Variants in SLC24A2 observed in about 807,000 individuals in gnomAD.
SLC24A2 encodes sodium/potassium/calcium exchanger 2.
In SLC24A2, 36 loss-of-function variants were observed where a neutral mutation model predicts 62.0. The ratio of observed to expected loss-of-function variants is 0.58; its 90% CI spans 0.44 to 0.77. The LOEUF (loss-of-function observed/expected upper bound fraction) is 0.77, where lower values mean the gene tolerates loss of function less well. Ranked by LOEUF, SLC24A2 falls within the 30% of genes least tolerant of loss-of-function variation. SLC24A2 has a pLI of 0.00. For synonymous variants in SLC24A2, 358 were observed against 294.0 expected, an observed-to-expected ratio of 1.22 and a Z score of -2.23; for missense variants, 846 against 817.9, an observed-to-expected ratio of 1.03 and a Z score of -0.42.
chr9:19,688,045 T>G (rs1365381499), intron 2 of SLC24A2, among the ~76,000 whole-genome samples: 2 of 152,122 alleles, frequency 1.3e-5, no homozygotes, highest in Non-Finnish European at 2.9e-5. Context: ...TTCGAAAAGC[T>G]CTGTGAAGGC....
the SLC24A2 span, among the ~76,000 whole-genome samples, chr9:19,853,669 T>C: frequency 6.6e-6 from 1 of 152,236 alleles, no homozygotes; most frequent in South Asian, 2.1e-4. Flanking sequence ...AACTTGATCA[T>C]GGTGGATAAG....
the SLC24A2 span, among the ~76,000 whole-genome samples, chr9:20,210,173 T>C: frequency 6.6e-6 from 1 of 152,124 alleles, no homozygotes; most frequent in African/African-American, 2.4e-5. Flanking sequence ...AAAGACCTGC[T>C]GTGGTTTTCT....
Position 19,786,174 on chromosome 9 carries a change from T to C in SLC24A2, c.693A>G (p.Leu231=). The change falls in exon 2 of 11, where the codon TTA becomes TTG. Residue 231 remains leucine (L), a synonymous_variant. Coordinates refer to ENST00000341998, the MANE Select transcript of SLC24A2 (RefSeq NM_020344.4). This position sits in a 1 kb window ranked among gnomAD's most constrained non-coding sequence, Gnocchi z 5.0. ...GMCALFSREI[L]NLTWWPLFRD... ...GAAAGAGCGGCCACCATGTCAGGTTTAAGATTTCTCTAGAAAACAGAGCAC... is the reference window on the plus strand; with the variant it reads ...GAAAGAGCGGCCACCATGTCAGGTTCAAGATTTCTCTAGAAAACAGAGCAC... 1 of 1,614,166 alleles carries C rather than the reference T, an allele frequency of 6.2e-7. No homozygotes were observed. Among genetic ancestry groups the C allele is most frequent in the Non-Finnish European group, 8.5e-7 (1 of 1,180,042 alleles).
chr9:20,015,347 C>T, the SLC24A2 span, among the ~76,000 whole-genome samples: 1 of 152,172 alleles, frequency 6.6e-6, no homozygotes, highest in Non-Finnish European at 1.5e-5. Context: ...TGCAGGTGCA[C>T]TGTGTCAAGA....
At chr9:19,608,697 A>T (rs1303012019) in intron 4 of SLC24A2, among the ~76,000 whole-genome samples, 2 of 151,942 alleles carry the variant, frequency 1.3e-5, no homozygotes, top group Non-Finnish European at 2.9e-5. Flanking sequence ...GGTACTACAA[A>T]AGTTCCACTT....
At chr9:20,085,525 T>C in the SLC24A2 span, among the ~76,000 whole-genome samples, 1 of 152,346 alleles carries the variant, frequency 6.6e-6, no homozygotes, top group East Asian at 1.9e-4. Flanking sequence ...ATAGCGTTGT[T>C]TGACTAACAT....
the SLC24A2 span, among the ~76,000 whole-genome samples, chr9:20,117,574 G>T: frequency 6.6e-6 from 1 of 152,044 alleles, no homozygotes; most frequent in East Asian, 1.9e-4. Flanking sequence ...GTAGACAATA[G>T]GCAGTATGCT....
chr9:19,788,799 C>A (rs1823256512), intron 1 of SLC24A2, 86 bp downstream of exon 1: 7 of 985,340 alleles, frequency 7.1e-6, no homozygotes, highest in Admixed American at 6.1e-5. Flanking sequence ...GCCTGCAGAG[C>A]AGCAACGGGA....
chr9:19,660,581 T>G (rs1819067152), intron 2 of SLC24A2, among the ~76,000 whole-genome samples: 2 of 152,094 alleles, frequency 1.3e-5, no homozygotes, highest in Non-Finnish European at 2.9e-5. Flanking sequence ...AGAGAAAGAT[T>G]GAGGGAATTC....
chr9:20,255,093 C>T, the SLC24A2 span, among the ~76,000 whole-genome samples: 6,095 of 152,176 alleles, frequency 0.04, 186 homozygotes, highest in South Asian at 0.061. Flanking sequence ...AGAGCCAAAC[C>T]ATATCATGAG....
chr9:19,705,887 T>C (rs915894929), intron 2 of SLC24A2, among the ~76,000 whole-genome samples: 5 of 152,146 alleles, frequency 3.3e-5, no homozygotes, highest in Admixed American at 6.5e-5. Context: ...TGTGGTGTGG[T>C]GCTGAAAAGA....
At chr9:20,182,448 T>C in the SLC24A2 span, among the ~76,000 whole-genome samples, 2 of 152,186 alleles carry the variant, frequency 1.3e-5, no homozygotes, top group African/African-American at 4.8e-5. Flanking sequence ...TGGAATACTA[T>C]GCAGCCATAA....
the SLC24A2 span, among the ~76,000 whole-genome samples, chr9:19,951,879 AG>A: frequency 6.6e-6 from 1 of 152,112 alleles, no homozygotes; most frequent in African/African-American, 2.4e-5. Context: ...CAACCTCACA[AG>A]GATTTTAATT....
the SLC24A2 span, among the ~76,000 whole-genome samples, chr9:19,973,812 A>G: frequency 6.6e-6 from 1 of 152,208 alleles, no homozygotes; most frequent in South Asian, 2.1e-4. Context: ...GGTTGTTTAA[A>G]ATTGTTTAGT....
At chr9:19,910,526 G>T in the SLC24A2 span, among the ~76,000 whole-genome samples, 1 of 151,986 alleles carries the variant, frequency 6.6e-6, no homozygotes, top group African/African-American at 2.4e-5. Context: ...AAGTTCCTCA[G>T]TGGGGCCTCA....
chr9:19,532,907 T>C (rs1833775787), intron 8 of SLC24A2, among the ~76,000 whole-genome samples: 1 of 152,226 alleles, frequency 6.6e-6, no homozygotes, highest in Non-Finnish European at 1.5e-5. Context: ...TCTATCTTAG[T>C]CATGAGAGAA....
the SLC24A2 span, among the ~76,000 whole-genome samples, chr9:20,285,540 C>A: frequency 1.3e-5 from 2 of 152,128 alleles, no homozygotes; most frequent in African/African-American, 2.4e-5. Flanking sequence ...GAGGGACAGG[C>A]TTTTTGTTCT....
chr9:19,533,619 G>C (rs1586906091), intron 8 of SLC24A2, among the ~76,000 whole-genome samples: 1 of 152,326 alleles, frequency 6.6e-6, no homozygotes, highest in East Asian at 1.9e-4. Flanking sequence ...GTGGAGCAGA[G>C]ACAAGCTGTT....
intron 2 of SLC24A2, among the ~76,000 whole-genome samples, chr9:19,754,978 T>C (rs957497961): frequency 1.3e-5 from 2 of 152,106 alleles, no homozygotes; most frequent in Admixed American, 6.6e-5. Flanking sequence ...AATAAGATGG[T>C]TTCTATTTTC....
Sources: allele counts gnomAD v4.1 joint callset (sites outside exome capture counted in the v4.1 genomes callset), GRCh38; gene constraint gnomAD v4.1.1; non-coding constraint Gnocchi (gnomAD v3.1); transcripts MANE v1.5; gene names NCBI Gene and HGNC (gene_info 2026-07-23, HGNC 2026-07-21).